Variants in HNRNPM observed in about 807,000 individuals in gnomAD.
HNRNPM encodes the protein CEA receptor.
Under a neutral mutation model 73.1 loss-of-function variants are expected in HNRNPM, and 11 were observed. The observed-to-expected ratio is 0.15, with a 90% CI of 0.09 to 0.25. The LOEUF is 0.25. HNRNPM is among the 10% of genes least tolerant of loss of function. The pLI is 1.00. For synonymous variants in HNRNPM, 407 were observed against 355.2 expected, an observed-to-expected ratio of 1.15 and a Z score of -1.64; for missense variants, 789 against 1,067.9, an observed-to-expected ratio of 0.74 and a Z score of 3.64.
intron 1 of HNRNPM, among the ~76,000 whole-genome samples, chr19:8,447,310 C>G (rs544256565): frequency 6.8e-6 from 1 of 147,382 alleles, no homozygotes; most frequent in Admixed American, 6.9e-5. Flanking sequence ...CTTTAGAAGC[C>G]TATACTTTTG....
intron 1 of HNRNPM, among the ~76,000 whole-genome samples, chr19:8,447,738 C>G (rs1968303460): frequency 6.6e-6 from 1 of 151,952 alleles, no homozygotes; most frequent in Non-Finnish European, 1.5e-5. Context: ...AAAGAAAAAA[C>G]AAAACAGGCT....
At chr19:8,484,105 A>G (rs1368640291) in intron 13 of HNRNPM, among the ~76,000 whole-genome samples, 2 of 150,928 alleles carry the variant, frequency 1.3e-5, no homozygotes, top group Middle Eastern at 3.2e-3. Context: ...GTATCTTGGC[A>G]TCTCACCTCC....
At chr19:8,472,619 C>T (rs999977874) in intron 10 of HNRNPM, among the ~76,000 whole-genome samples, 3 of 152,170 alleles carry the variant, frequency 2.0e-5, no homozygotes, top group African/African-American at 7.2e-5. Context: ...GCTCTTGTTG[C>T]CCAGGCTGGA....
chr19:8,451,495 T>C (rs944757481), intron 1 of HNRNPM, among the ~76,000 whole-genome samples: 1 of 151,790 alleles, frequency 6.6e-6, no homozygotes. Context: ...ATCACTTTTA[T>C]ACTATCACAT....
At position 8,445,073 on chromosome 19, in the gene HNRNPM, C is replaced by T. The variant is rs1458756061; in HGVS notation, c.75C>T (p.Pro25=). 2.1e-6 allele frequency: 3 copies of T among 1,421,094 alleles called. No individual in the cohort carries two copies. Among genetic ancestry groups the T allele is most frequent in the South Asian group, 1.6e-5 (1 of 63,552 alleles). The allele number at this position is 1,421,094 out of a possible 1,614,324, so 88.0% of individuals were successfully genotyped here. A position where few individuals can be genotyped will look rare whatever the true frequency, so the allele number is the denominator to read the frequency against. ...EIKMEEESGA[P]GVPSGNGAPG... The stretch of plus-strand genomic sequence containing the variant: ...AAATGGAGGAAGAGAGCGGCGCGCC[C>T]GGCGTGCCGAGCGGCAACGGGGCTC... The change falls in exon 1 of 16, where the codon CCC becomes CCT. Residue 25 remains proline, a synonymous_variant. Coordinates refer to ENST00000325495, the MANE Select transcript of HNRNPM (RefSeq NM_005968.5).
rs2230646 is a variant in HNRNPM at position 8,486,087 on chromosome 19, C to T, written c.1659C>T (p.Thr553=). ...RMGPVMDRMA[T]GLERMGANNL... is the part of the protein sequence containing the mutation. ...GCCCCGTGATGGATCGCATGGCCAC[C>T]GGCCTGGAGCGCATGGGCGCCAACA... Residue 553 remains threonine (T), a synonymous_variant, in exon 14 of 16, where the codon ACC becomes ACT. Transcript: ENST00000325495. The T allele has an allele frequency of 9.7e-4, 1,556 of 1,606,442 alleles. 19 individuals are homozygous for T. The African/African-American group carries it at 0.018, about 19-fold the overall frequency.
chr19:8,458,275 G>T (rs1424426693), intron 2 of HNRNPM, among the ~76,000 whole-genome samples: 1 of 152,198 alleles, frequency 6.6e-6, no homozygotes, highest in African/African-American at 2.4e-5. Flanking sequence ...CACATAGGAA[G>T]TAAACTGGTC....
intron 8 of HNRNPM, among the ~76,000 whole-genome samples, chr19:8,468,094 C>G (rs747443928): frequency 3.3e-5 from 5 of 152,202 alleles, no homozygotes; most frequent in Non-Finnish European, 7.4e-5. Context: ...GATATTTTTC[C>G]TTTTGCACAG....
intron 10 of HNRNPM, among the ~76,000 whole-genome samples, chr19:8,472,031 C>T (rs530570882): frequency 4.5e-4 from 69 of 152,126 alleles, no homozygotes; most frequent in African/African-American, 1.6e-3. Flanking sequence ...ATTAGCCGGG[C>T]GTGGTGGCGC....
At chr19:8,459,213 G>C (rs1444530197) in intron 2 of HNRNPM, among the ~76,000 whole-genome samples, 1 of 152,140 alleles carries the variant, frequency 6.6e-6, no homozygotes, top group African/African-American at 2.4e-5. Context: ...AGGCCTGGCC[G>C]CAGCCTGCAT....
intron 15 of HNRNPM, chr19:8,487,530 CT>C: frequency 5.7e-6 from 1 of 174,562 alleles, no homozygotes; most frequent in Non-Finnish European, 1.2e-5. Flanking sequence ...GAGGGTGAGG[CT>C]AAGGTCTTGT....
intron 12 of HNRNPM, among the ~76,000 whole-genome samples, chr19:8,478,340 A>C (rs1456380445): frequency 6.6e-6 from 1 of 152,054 alleles, no homozygotes; most frequent in African/African-American, 2.4e-5. Flanking sequence ...TTTGTTTTTG[A>C]TGTCTCAGAC....
intron 12 of HNRNPM, among the ~76,000 whole-genome samples, chr19:8,477,982 G>A (rs759266685): frequency 2.0e-5 from 3 of 152,210 alleles, no homozygotes; most frequent in African/African-American, 7.2e-5. Flanking sequence ...ACAGGCGTGC[G>A]TGGCATGGTT....
intron 1 of HNRNPM, chr19:8,445,513 T>G (rs1338091505): frequency 1.9e-5 from 3 of 158,202 alleles, no homozygotes; most frequent in East Asian, 1.8e-4. Context: ...GGGGTCTGTT[T>G]TCTGATCCGT....
rs142822829 is a variant in HNRNPM, at chr19:8,458,242, T to C, written c.283+2668T>C. 1.8e-3 allele frequency among the ~76,000 whole-genome samples: 270 copies of C among 152,312 alleles called. 12 individuals are homozygous for C. The South Asian group carries it at 0.046, about 26-fold the overall frequency. On this transcript the variant is annotated intron_variant, in intron 2 of 15. Coordinates refer to ENST00000325495, the MANE Select transcript of HNRNPM (RefSeq NM_005968.5). ...CTTTAATTTTAGCATTTAGCAGCAT[T>C]CTAGCATTTCCTATTAAAAATCCAC...
rs758998635 is a variant in HNRNPM at position 8,485,782 on chromosome 19, T to TCCGGCATTGAGCGCATGGGCC, written c.1356_1376dup (p.Gly453_Pro459dup). 7.5e-6 allele frequency: 12 copies of TCCGGCATTGAGCGCATGGGCC among 1,599,918 alleles called. No individual in the cohort carries two copies. The highest frequency in any genetic ancestry group is 6.7e-5 in the East Asian group (3 of 44,498). The stretch of plus-strand genomic sequence containing the variant: ...CATGGGCTCCGTGGAGCGCATGGGC[T>TCCGGCATTGAGCGCATGGGCC]CCGGCATTGAGCGCATGGGCCCGCT... On this transcript the variant is annotated inframe_insertion, in exon 14 of 16. Transcript: ENST00000325495.
chr19:8,450,211 G>T (rs189257624), intron 1 of HNRNPM, among the ~76,000 whole-genome samples: 5 of 152,314 alleles, frequency 3.3e-5, no homozygotes, highest in African/African-American at 1.2e-4. Flanking sequence ...CACACGGGCA[G>T]AGGGGTCCTT....
chr19:8,466,470 G>A, intron 7 of HNRNPM, 82 bp downstream of exon 7: 2 of 1,296,094 alleles, frequency 1.5e-6, no homozygotes, highest in South Asian at 1.2e-5. Context: ...TGAGGAAGAG[G>A]TGACTGTGTG....
At chr19:8,486,710 G>GT (rs1171075823) in intron 14 of HNRNPM, among the ~76,000 whole-genome samples, 4 of 152,192 alleles carry the variant, frequency 2.6e-5, no homozygotes, top group Non-Finnish European at 4.4e-5. Flanking sequence ...AGAAGTGGCT[G>GT]TAACGGAATT....
Sources: gnomAD v4.1 joint callset for allele counts (sites outside exome capture counted in the v4.1 genomes callset) on GRCh38, gnomAD v4.1.1 for gene constraint, MANE v1.5 for transcripts, NCBI Gene and HGNC (gene_info 2026-07-23, HGNC 2026-07-21) for gene names.